ACSL1: variants seen among roughly 807,000 people sequenced by gnomAD.
The protein encoded by ACSL1 is acyl-CoA synthetase long chain family member 1, also known as long-chain-fatty-acid--CoA ligase 1.
ACSL1 carries 41 observed loss-of-function variants against 98.4 expected under a neutral mutation model. The observed-to-expected ratio is 0.42, with a 90% confidence interval of 0.32 to 0.54. ACSL1 has a LOEUF of 0.54. Among genes scored for constraint, ACSL1 ranks in the 20% least tolerant of loss-of-function variants. ACSL1 has a pLI of 0.13. For missense variants in ACSL1, 734 were observed against 883.1 expected, an observed-to-expected ratio of 0.83 and a Z score of 2.14; for synonymous variants, 316 against 322.7, an observed-to-expected ratio of 0.98 and a Z score of 0.22.
chr4:184,768,256 G>T, intron 12 of ACSL1, 60 bp downstream of exon 12: 3 of 1,552,328 alleles, frequency 1.9e-6, no homozygotes, highest in Non-Finnish European at 1.7e-6. Context: ...CCCAATTCAA[G>T]CCCAAGCCCC....
At chr4:184,765,319 A>C (rs1030530185) in intron 14 of ACSL1, among the ~76,000 whole-genome samples, 1 of 152,142 alleles carries the variant, frequency 6.6e-6, no homozygotes, top group Non-Finnish European at 1.5e-5. Flanking sequence ...GACCCATTCC[A>C]CAGCTGCATA....
At position 184,762,538 on chromosome 4, in the gene ACSL1, A is replaced by C; in HGVS notation, c.1522-15T>G. The C allele has an allele frequency of 6.2e-7, 1 of 1,606,726 alleles. No individual in the cohort carries two copies. Among genetic ancestry groups the C allele is most frequent in the Non-Finnish European group, 8.5e-7 (1 of 1,173,218 alleles). On this transcript the variant is annotated splice_polypyrimidine_tract_variant and intron_variant, in intron 16 of 20. Transcript: ENST00000281455. ...TTCACACACACCTAAAGAAAAGAAGATCATCAGTGAACAGCATTTACTGGG... is the reference window on the plus strand; with the variant it reads ...TTCACACACACCTAAAGAAAAGAAGCTCATCAGTGAACAGCATTTACTGGG...
At chr4:184,780,771 ATTTGT>A (rs1766114189) in intron 4 of ACSL1, among the ~76,000 whole-genome samples, 2 of 152,184 alleles carry the variant, frequency 1.3e-5, no homozygotes, top group African/African-American at 2.4e-5. Context: ...AGAGAGATGG[ATTTGT>A]TTTATTTATA....
chr4:184,811,305 G>C (rs552696861), intron 1 of ACSL1, among the ~76,000 whole-genome samples: 1 of 151,880 alleles, frequency 6.6e-6, no homozygotes. Flanking sequence ...GTAGAGACGG[G>C]GTTTCACCGT....
At chr4:184,812,924 C>A (rs746070949) in intron 1 of ACSL1, among the ~76,000 whole-genome samples, 1 of 152,124 alleles carries the variant, frequency 6.6e-6, no homozygotes, top group African/African-American at 2.4e-5. Context: ...GAGTCCCACG[C>A]GAGGGCTCTA....
intron 1 of ACSL1, among the ~76,000 whole-genome samples, chr4:184,807,975 G>A (rs1234395119): frequency 1.3e-5 from 2 of 152,174 alleles, no homozygotes; most frequent in Non-Finnish European, 2.9e-5. Flanking sequence ...GGAACCATGA[G>A]GTCAGGTTTC....
At chr4:184,808,304 T>C (rs1053676569) in intron 1 of ACSL1, 12 of 985,320 alleles carry the variant, frequency 1.2e-5, no homozygotes, top group Non-Finnish European at 1.3e-5. Context: ...TAACATTGTA[T>C]TCTCTTCATG....
chr4:184,761,362 C>A (rs1277738503), intron 17 of ACSL1, among the ~76,000 whole-genome samples: 1 of 152,176 alleles, frequency 6.6e-6, no homozygotes, highest in Non-Finnish European at 1.5e-5. Flanking sequence ...CTAATCAATA[C>A]AAATTCCAAA....
At chr4:184,805,600 G>A in intron 1 of ACSL1, 1 of 841,018 alleles carries the variant, frequency 1.2e-6, no homozygotes, top group Non-Finnish European at 1.4e-6. Context: ...GAGCCTGGAA[G>A]TGGGCGGGGG....
intron 2 of ACSL1, among the ~76,000 whole-genome samples, chr4:184,794,292 T>C (rs748938276): frequency 3.2e-4 from 48 of 152,246 alleles, no homozygotes; most frequent in Non-Finnish European, 4.8e-4. Flanking sequence ...ATCTTTGATA[T>C]ATTACACTAG....
chr4:184,787,039 T>TA lies in ACSL1; in HGVS notation c.310+1577dup, dbSNP rs1767505558. On this transcript the variant is annotated intron_variant, in intron 3 of 20. Transcript: ENST00000281455. ...ATTACATGCAACCTATCATGAGGGA[T>TA]AGAGCCAGCAATACCACATGGTTCC... Among the ~76,000 whole-genome samples, 5 of 152,290 alleles carry TA rather than the reference T, an allele frequency of 3.3e-5. No homozygotes were observed. In the South Asian group the frequency reaches 1.0e-3, roughly 32 times the overall value.
rs1762275967 is a variant in ACSL1, at chr4:184,757,566, C to A, written c.1956+69G>T. On this transcript the variant is annotated intron_variant, in intron 20 of 20. Transcript: ENST00000281455. The surrounding 1 kb of genome is among the most constrained non-coding windows in gnomAD (Gnocchi z 4.5). Reference sequence around the variant, plus strand: ...AGGTCACCCCATATGTTTATATAATCTACCTGTAAAAAAATCTTAATGGAA... The same window carrying A: ...AGGTCACCCCATATGTTTATATAATATACCTGTAAAAAAATCTTAATGGAA... The A allele has an allele frequency of 7.0e-7, 1 of 1,428,492 alleles. No homozygotes were observed. The highest frequency in any genetic ancestry group is 9.7e-7 in the Non-Finnish European group (1 of 1,030,270). 88.5% of individuals were successfully genotyped at this position (1,428,492 alleles called of 1,614,324 possible).
chr4:184,797,978 C>T (rs1402855688), intron 2 of ACSL1, among the ~76,000 whole-genome samples: 1 of 152,194 alleles, frequency 6.6e-6, no homozygotes, highest in African/African-American at 2.4e-5. Context: ...AAGTCGCTAA[C>T]CATATATATG....
intron 2 of ACSL1, among the ~76,000 whole-genome samples, chr4:184,793,440 T>A (rs1437701440): frequency 6.6e-6 from 1 of 152,208 alleles, no homozygotes; most frequent in African/African-American, 2.4e-5. Context: ...AGGAACGCGA[T>A]GGCCAGTTAT....
intron 10 of ACSL1, 25 bp from the exon 11 acceptor site, chr4:184,770,501 C>T (rs761735833): frequency 1.3e-6 from 2 of 1,545,362 alleles, no homozygotes; most frequent in Non-Finnish European, 1.8e-6. Flanking sequence ...ACCAGCAAGG[C>T]AGAAAAGCAT....
intron 4 of ACSL1, among the ~76,000 whole-genome samples, chr4:184,783,438 C>T (rs1766668536): frequency 6.6e-6 from 1 of 152,202 alleles, no homozygotes; most frequent in Non-Finnish European, 1.5e-5. Context: ...CAGCAGCATG[C>T]ACTAGGAAAG....
At chr4:184,800,250 T>A (rs1770248431) in intron 2 of ACSL1, among the ~76,000 whole-genome samples, 1 of 152,146 alleles carries the variant, frequency 6.6e-6, no homozygotes, top group Admixed American at 6.5e-5. Flanking sequence ...GGTCAGAAAA[T>A]CCTGGTGAAC....
chr4:184,780,208 G>A (rs1766007857), intron 5 of ACSL1, 124 bp downstream of exon 5: 2 of 829,018 alleles, frequency 2.4e-6, no homozygotes, highest in South Asian at 3.2e-5. Flanking sequence ...AACTTTCTAA[G>A]GTGTAACGTA....
At chr4:184,816,934 T>G (rs1362444882) in intron 1 of ACSL1, among the ~76,000 whole-genome samples, 1 of 152,124 alleles carries the variant, frequency 6.6e-6, no homozygotes, top group Non-Finnish European at 1.5e-5. Flanking sequence ...AATACTTAAT[T>G]ATCATGCAAG....
Sources: allele counts gnomAD v4.1 joint callset (sites outside exome capture counted in the v4.1 genomes callset), GRCh38; gene constraint gnomAD v4.1.1; non-coding constraint Gnocchi (gnomAD v3.1); transcripts MANE v1.5; gene names NCBI Gene and HGNC (gene_info 2026-07-23, HGNC 2026-07-21).